FAM234B: variants seen among roughly 807,000 people sequenced by gnomAD.
FAM234B encodes the protein family with sequence similarity 234 member B, also known as protein FAM234B.
FAM234B carries 33 observed loss-of-function variants against 69.3 expected under a neutral mutation model. That is an observed-to-expected ratio of 0.48 (90% CI 0.36 to 0.64). The LOEUF (loss-of-function observed/expected upper bound fraction) is 0.64. Ranked by LOEUF, FAM234B falls within the 30% of genes least tolerant of loss-of-function variation. The pLI is 0.00. For missense variants in FAM234B, 697 were observed against 769.7 expected (o/e 0.91, Z 1.12); for synonymous variants, 306 against 306.9 (o/e 1.00, Z 0.03).
chr12:13,072,909 A>G (rs2120498587), intron 10 of FAM234B, among the ~76,000 whole-genome samples: 1 of 152,234 alleles, frequency 6.6e-6, no homozygotes, highest in East Asian at 1.9e-4. Context: ...AGAGCCCTTT[A>G]AAGATTTCTT....
At chr12:13,072,398 CT>C (rs1233703820) in intron 10 of FAM234B, among the ~76,000 whole-genome samples, 5 of 152,098 alleles carry the variant, frequency 3.3e-5, no homozygotes, top group African/African-American at 1.2e-4. Flanking sequence ...TATGAGGGGA[CT>C]TCAGAAAGTT....
chr12:13,060,419 G>A (rs966983098), intron 3 of FAM234B, among the ~76,000 whole-genome samples: 4 of 152,204 alleles, frequency 2.6e-5, no homozygotes, highest in Non-Finnish European at 1.5e-5. Context: ...CCTGGCTTTG[G>A]CCTCGAGAAG....
intron 6 of FAM234B, 32 bp downstream of exon 6, chr12:13,066,819 C>G (rs1434140375): frequency 1.9e-6 from 3 of 1,599,566 alleles, no homozygotes; most frequent in East Asian, 2.2e-5. Context: ...TGCTCCTGTT[C>G]CCCACTGGCA....
At chr12:13,078,080 T>A (rs1013795656) in intron 11 of FAM234B, among the ~76,000 whole-genome samples, 34 of 151,512 alleles carry the variant, frequency 2.2e-4, no homozygotes, top group African/African-American at 8.2e-4. Flanking sequence ...TTGAGAAGTG[T>A]CTGTTCATGT....
Position 13,069,647 on chromosome 12 carries a change from G to C in FAM234B, c.1368+936G>C, listed in dbSNP as rs373793793. ...GCAAGAGATGCCTCATGTTGGTCAG[G>C]GGTTGTATGTGCAGAATCATGAGAG... On this transcript the variant is annotated intron_variant, in intron 9 of 12. Coordinates refer to ENST00000197268, the MANE Select transcript of FAM234B (RefSeq NM_020853.2). 2.0e-3 allele frequency among the ~76,000 whole-genome samples: 300 copies of C among 152,206 alleles called. 2 individuals carry two copies. The highest frequency in any genetic ancestry group is 7.1e-3 in the African/African-American group (294 of 41,530).
In FAM234B at chr12:13,044,984, A is replaced by G. The variant is rs991925154; in HGVS notation, c.37+544A>G. Reference sequence around the variant, plus strand: ...GTTATTTGGCTAAGTGAATTGTCCAAGGTCTCACAAGTATTGGGAAAGCTC... The same window carrying G: ...GTTATTTGGCTAAGTGAATTGTCCAGGGTCTCACAAGTATTGGGAAAGCTC... On this transcript the variant is annotated intron_variant, in intron 1 of 12. Transcript: ENST00000197268. This position sits in a 1 kb window ranked among gnomAD's most constrained non-coding sequence, Gnocchi z 5.6. 1.3e-5 allele frequency among the ~76,000 whole-genome samples: 2 copies of G among 152,210 alleles called. No individual in the cohort carries two copies. The highest frequency in any genetic ancestry group is 4.8e-5 in the African/African-American group (2 of 41,460).
At position 13,079,864 on chromosome 12, in the gene FAM234B, C is replaced by T. The variant is rs759108959; in HGVS notation, c.1718C>T (p.Ala573Val). The T allele has an allele frequency of 1.9e-6, 3 of 1,614,086 alleles. No individual in the cohort carries two copies. Reference protein sequence around the residue: ...TTGPSSEGHPAALVVSKLSLR... With the variant: ...TTGPSSEGHPVALVVSKLSLR... Reference sequence around the variant, plus strand: ...GGGCCAAGCTCCGAAGGCCATCCAGCAGCCCTGGTGGTCAGCAAGCTTAGT... The same window carrying T: ...GGGCCAAGCTCCGAAGGCCATCCAGTAGCCCTGGTGGTCAGCAAGCTTAGT... The change falls in exon 12 of 13, where the codon GCA (alanine) becomes GTA (valine). Residue 573 changes from alanine to valine, a missense_variant. This residue lies in a region of FAM234B where 313 missense variants were observed against 305.5 expected (regional missense o/e 1.02). Transcript: ENST00000197268.
rs1187248019 is a variant in FAM234B, at chr12:13,083,235, AG to A, written c.*2608del. 2.0e-5 allele frequency: 3 copies of A among 152,468 alleles called. No homozygotes were observed. The highest frequency in any genetic ancestry group is 4.4e-5 in the Non-Finnish European group (3 of 68,008). The allele number at this position is 152,468 out of a possible 1,614,324, so 9.4% of individuals were successfully genotyped here. A position where few individuals can be genotyped will look rare whatever the true frequency, so the allele number is the denominator to read the frequency against. On this transcript the variant is annotated 3_prime_UTR_variant, in exon 13 of 13. Coordinates refer to ENST00000197268, the MANE Select transcript of FAM234B (RefSeq NM_020853.2). ...AATAGTAATGACTTCTACAAATGCA[AG>A]GGTCTTACCCTCCTCTTTCCCTTAA...
chr12:13,073,681 C>G (rs542452087), intron 10 of FAM234B, among the ~76,000 whole-genome samples: 2 of 152,186 alleles, frequency 1.3e-5, no homozygotes, highest in East Asian at 3.9e-4. Context: ...TATGGGCCAA[C>G]AGTTTTGCCA....
chr12:13,052,326 A>G (rs1348639136), intron 1 of FAM234B, among the ~76,000 whole-genome samples: 2 of 152,070 alleles, frequency 1.3e-5, no homozygotes, highest in African/African-American at 4.8e-5. Context: ...AGTTTGGGAT[A>G]GGGGTGGGGA....
At chr12:13,060,524 C>G (rs1334485687) in intron 3 of FAM234B, among the ~76,000 whole-genome samples, 1 of 152,102 alleles carries the variant, frequency 6.6e-6, no homozygotes, top group Non-Finnish European at 1.5e-5. Flanking sequence ...TAGGAAGAAC[C>G]ACACAGGATA....
intron 3 of FAM234B, among the ~76,000 whole-genome samples, chr12:13,058,835 G>T (rs930353905): frequency 6.6e-6 from 1 of 152,210 alleles, no homozygotes; most frequent in African/African-American, 2.4e-5. Context: ...ACTTTGCAAC[G>T]AACAGTGTTA....
chr12:13,059,513 G>T (rs1864963541), intron 3 of FAM234B, among the ~76,000 whole-genome samples: 2 of 152,348 alleles, frequency 1.3e-5, no homozygotes, highest in South Asian at 4.1e-4. Context: ...AAGTACACAA[G>T]GCTTTTGGTT....
rs892604717 is a variant in FAM234B at position 13,082,363 on chromosome 12, A to G, written c.*1733A>G. ...TGTTAATTACCCACTGACAGGCATTATGACCTAACAGGAGGTTGGTAGCAG... is the reference window on the plus strand; with the variant it reads ...TGTTAATTACCCACTGACAGGCATTGTGACCTAACAGGAGGTTGGTAGCAG... On this transcript the variant is annotated 3_prime_UTR_variant, in exon 13 of 13. Coordinates refer to ENST00000197268, the MANE Select transcript of FAM234B (RefSeq NM_020853.2). The G allele has an allele frequency of 6.6e-6, 1 of 152,228 alleles. No individual in the cohort carries two copies. The highest frequency in any genetic ancestry group is 2.4e-5 in the African/African-American group (1 of 41,444). 9.4% of individuals were successfully genotyped at this position (152,228 alleles called of 1,614,324 possible). A position where few individuals can be genotyped will look rare whatever the true frequency, so the allele number is the denominator to read the frequency against.
At chr12:13,073,710 C>T (rs146538115) in intron 10 of FAM234B, among the ~76,000 whole-genome samples, 27 of 152,298 alleles carry the variant, frequency 1.8e-4, no homozygotes, top group Non-Finnish European at 2.9e-4. Flanking sequence ...GTGGAAAGTT[C>T]GCTCAACTTT....
intron 3 of FAM234B, 92 bp from the exon 4 acceptor site, chr12:13,061,483 C>T (rs1361396629): frequency 9.6e-6 from 10 of 1,046,744 alleles, no homozygotes; most frequent in Non-Finnish European, 1.4e-5. Flanking sequence ...GCCTTACCAC[C>T]ATCCACTTGC....
At chr12:13,064,062 C>T (rs569559292) in intron 5 of FAM234B, among the ~76,000 whole-genome samples, 15 of 152,250 alleles carry the variant, frequency 9.9e-5, no homozygotes, top group African/African-American at 3.6e-4. Context: ...CTTAAGAGTG[C>T]CCCATCAGTC....
At chr12:13,051,137 T>C (rs190776008) in intron 1 of FAM234B, among the ~76,000 whole-genome samples, 70 of 152,348 alleles carry the variant, frequency 4.6e-4, no homozygotes, top group African/African-American at 1.7e-3. Flanking sequence ...TAGAAGCATG[T>C]AATCTTGCTA....
At chr12:13,075,238 C>A (rs1160702608) in intron 10 of FAM234B, among the ~76,000 whole-genome samples, 1 of 152,136 alleles carries the variant, frequency 6.6e-6, no homozygotes, top group Non-Finnish European at 1.5e-5. Context: ...TAGCCTGATG[C>A]TTGCAGTTGG....
Sources: gnomAD v4.1 joint callset for allele counts (sites outside exome capture counted in the v4.1 genomes callset) on GRCh38, gnomAD v4.1.1 for gene constraint, gnomAD v4.1.1 regional missense constraint, Gnocchi (gnomAD v3.1) non-coding constraint, MANE v1.5 for transcripts, NCBI Gene and HGNC (gene_info 2026-07-23, HGNC 2026-07-21) for gene names.